FSTL5: variants seen among roughly 807,000 people sequenced by gnomAD.
FSTL5 encodes the protein follistatin like 5.
FSTL5 carries 62 observed loss-of-function variants against 89.1 expected under a neutral mutation model. The ratio of observed to expected loss-of-function variants is 0.70; its 90% CI spans 0.57 to 0.86. The LOEUF (loss-of-function observed/expected upper bound fraction) is 0.86. Among genes scored for constraint, FSTL5 ranks in the 40% least tolerant of loss-of-function variants. The pLI is 0.00. For synonymous variants in FSTL5, 383 were observed against 346.2 expected, an observed-to-expected ratio of 1.11 and a Z score of -1.18; for missense variants, 1,057 against 1,001.6, an observed-to-expected ratio of 1.06 and a Z score of -0.75.
At chr4:161,949,912 A>G (rs1433333277) in intron 3 of FSTL5, among the ~76,000 whole-genome samples, 1 of 151,926 alleles carries the variant, frequency 6.6e-6, no homozygotes, top group African/African-American at 2.4e-5. Flanking sequence ...AAAATTCTCC[A>G]TCTGGTAAAT....
chr4:161,710,948 CAAG>C (rs1738756339), intron 6 of FSTL5, among the ~76,000 whole-genome samples: 1 of 151,796 alleles, frequency 6.6e-6, no homozygotes, highest in South Asian at 2.1e-4. Flanking sequence ...ATAATGCATT[CAAG>C]AAGAAATCAA....
intron 2 of FSTL5, among the ~76,000 whole-genome samples, chr4:162,039,739 T>A (rs1391886244): frequency 6.6e-6 from 1 of 151,888 alleles, no homozygotes; most frequent in Non-Finnish European, 1.5e-5. Flanking sequence ...CACTGGTATA[T>A]CGAATAAAGC....
chr4:161,693,585 A>T (rs1484681103), intron 6 of FSTL5, among the ~76,000 whole-genome samples: 2 of 149,278 alleles, frequency 1.3e-5, no homozygotes, highest in African/African-American at 4.9e-5. Context: ...CATTTCATCT[A>T]GATTGTCTAT....
At chr4:161,773,275 T>G (rs771517386) in intron 5 of FSTL5, among the ~76,000 whole-genome samples, 1 of 152,130 alleles carries the variant, frequency 6.6e-6, no homozygotes, top group African/African-American at 2.4e-5. Flanking sequence ...TTTCTAGACA[T>G]TGGCTTAGGC....
intron 4 of FSTL5, among the ~76,000 whole-genome samples, chr4:161,794,311 A>G (rs763253375): frequency 6.6e-6 from 1 of 152,142 alleles, no homozygotes; most frequent in Non-Finnish European, 1.5e-5. Context: ...GACTCAGGTC[A>G]TTTCCCTATA....
chr4:161,473,663 G>A (rs1467053247), intron 13 of FSTL5, among the ~76,000 whole-genome samples: 1 of 152,064 alleles, frequency 6.6e-6, no homozygotes, highest in Non-Finnish European at 1.5e-5. Context: ...AACTCCTGGG[G>A]CCACACACTG....
chr4:161,824,958 C>A (rs1595913), intron 4 of FSTL5, among the ~76,000 whole-genome samples: 105,256 of 151,906 alleles, frequency 0.69, 36,910 homozygotes, highest in Non-Finnish European at 0.75. Flanking sequence ...AGTGGGCATT[C>A]TTGTCTGGTT....
At chr4:161,717,377 C>T (rs1476896353) in intron 6 of FSTL5, among the ~76,000 whole-genome samples, 1 of 152,144 alleles carries the variant, frequency 6.6e-6, no homozygotes, top group Admixed American at 6.5e-5. Context: ...GTGTCAGTAG[C>T]AAGTCTATGT....
At chr4:162,015,335 T>C (rs114095010) in intron 3 of FSTL5, among the ~76,000 whole-genome samples, 2,420 of 152,328 alleles carry the variant, frequency 0.016, 28 homozygotes, top group Non-Finnish European at 0.024. Context: ...ATCTGCTTAC[T>C]TGGTTTGATT....
chr4:161,821,749 A>AT (rs1260735982), intron 4 of FSTL5, among the ~76,000 whole-genome samples: 8 of 152,092 alleles, frequency 5.3e-5, no homozygotes, highest in Middle Eastern at 3.4e-3. Flanking sequence ...CCATTATTTC[A>AT]TTTTTTTCAT....
At chr4:161,425,357 T>C (rs1732134511) in intron 15 of FSTL5, among the ~76,000 whole-genome samples, 1 of 152,176 alleles carries the variant, frequency 6.6e-6, no homozygotes, top group Non-Finnish European at 1.5e-5. Flanking sequence ...TATCGAGGTA[T>C]GTTAGACGAC....
At chr4:161,971,282 CACAA>C (rs1374170180) in intron 3 of FSTL5, among the ~76,000 whole-genome samples, 1 of 152,060 alleles carries the variant, frequency 6.6e-6, no homozygotes, top group African/African-American at 2.4e-5. Context: ...TTCATTATGT[CACAA>C]ACATTGATAT....
rs1042157369 is a variant in FSTL5 at position 161,867,751 on chromosome 4, G to GA, written c.409+52652dup. ...TTCTTACCAAAGAATTAAATATAGA[G>GA]AAAAAAATCACATTCTAAGATGGTC... On this transcript the variant is annotated intron_variant, in intron 4 of 15. Coordinates refer to ENST00000306100, the MANE Select transcript of FSTL5 (RefSeq NM_020116.5). Among the ~76,000 whole-genome samples the GA allele has an allele frequency of 2.6e-5, 4 of 151,326 alleles. No homozygotes were observed. In the East Asian group the frequency reaches 7.8e-4, roughly 29 times the overall value.
intron 2 of FSTL5, among the ~76,000 whole-genome samples, chr4:162,046,514 A>G (rs1738186129): frequency 6.6e-6 from 1 of 152,156 alleles, no homozygotes; most frequent in Non-Finnish European, 1.5e-5. Flanking sequence ...TTCTTTGGAC[A>G]TGAAGATTAT....
chr4:162,153,739 TATA>T lies in FSTL5; in HGVS notation c.-17+9873_-17+9875del, dbSNP rs1198609901. Reference sequence around the variant, plus strand: ...ATATAATAATATATGTATATATGTATATAATAATATACATGTATATATACATGT... The same window carrying T: ...ATATAATAATATATGTATATATGTATATAATATACATGTATATATACATGT... On this transcript the variant is annotated intron_variant, in intron 1 of 15. Coordinates refer to ENST00000306100, the MANE Select transcript of FSTL5 (RefSeq NM_020116.5). Among the ~76,000 whole-genome samples, 113 of 90,692 alleles carry T rather than the reference TATA, an allele frequency of 1.2e-3. 3 individuals carry two copies. Among genetic ancestry groups the T allele is most frequent in the African/African-American group, 3.5e-3 (98 of 27,918 alleles). The allele number at this position is 90,692 out of a possible 152,430, so 59.5% of individuals were successfully genotyped here. A position where few individuals can be genotyped will look rare whatever the true frequency, so the allele number is the denominator to read the frequency against.
chr4:161,505,939 G>A (rs977511452), intron 11 of FSTL5, among the ~76,000 whole-genome samples: 2 of 152,034 alleles, frequency 1.3e-5, no homozygotes, highest in African/African-American at 4.8e-5. Flanking sequence ...TCACGTACTC[G>A]CCATTAGAAA....
chr4:161,888,779 C>T (rs1470938268), intron 4 of FSTL5, among the ~76,000 whole-genome samples: 1 of 151,502 alleles, frequency 6.6e-6, no homozygotes, highest in Non-Finnish European at 1.5e-5. Context: ...ATAATAATAC[C>T]CAAAATATCA....
intron 12 of FSTL5, among the ~76,000 whole-genome samples, chr4:161,498,107 CATAG>C (rs1195919001): frequency 2.0e-5 from 3 of 151,228 alleles, no homozygotes; most frequent in East Asian, 3.9e-4. Flanking sequence ...TATATGTATA[CATAG>C]ATAAATATAC....
intron 5 of FSTL5, among the ~76,000 whole-genome samples, chr4:161,760,149 A>G (rs916309371): frequency 2.6e-5 from 4 of 152,184 alleles, no homozygotes; most frequent in African/African-American, 4.8e-5. Context: ...GATGATGAAA[A>G]TCTATCCAGG....
Sources: allele counts gnomAD v4.1 joint callset (sites outside exome capture counted in the v4.1 genomes callset), GRCh38; gene constraint gnomAD v4.1.1; transcripts MANE v1.5; gene names NCBI Gene and HGNC (gene_info 2026-07-23, HGNC 2026-07-21).